WWP2: variants seen among roughly 807,000 people sequenced by gnomAD.
The protein encoded by WWP2 is NEDD4-like E3 ubiquitin-protein ligase WWP2.
A neutral mutation model predicts 121.0 loss-of-function variants in WWP2; 57 were observed. That is an observed-to-expected ratio of 0.47 (90% CI 0.38 to 0.59). The LOEUF (loss-of-function observed/expected upper bound fraction) is 0.59, where lower values mean the gene tolerates loss of function less well. Ranked by LOEUF, WWP2 falls within the 20% of genes least tolerant of loss-of-function variation. The pLI is 0.00. For missense variants in WWP2, 962 were observed against 1,158.9 expected (o/e 0.83, Z 2.47); for synonymous variants, 449 against 441.3 (o/e 1.02, Z -0.22).
chr16:69,770,811 G>A (rs1437919837), intron 1 of WWP2, among the ~76,000 whole-genome samples: 1 of 152,006 alleles, frequency 6.6e-6, no homozygotes, highest in Non-Finnish European at 1.5e-5. Context: ...TACTTGGTAT[G>A]TGGGGCTCCC....
Position 69,871,894 on chromosome 16 carries a change from C to T in WWP2, c.666C>T (p.Val222=), listed in dbSNP as rs1217318959. ...PGARSRHRQP[V]KNSGHSGLAN... Reference sequence around the variant, plus strand: ...CTCGGAGCCGGCACCGCCAGCCCGTCAAGAACTCAGGCCACAGTGGCTTGG... The same window carrying T: ...CTCGGAGCCGGCACCGCCAGCCCGTTAAGAACTCAGGCCACAGTGGCTTGG... The change falls in exon 7 of 24, where the codon GTC becomes GTT. Residue 222 remains valine, a synonymous_variant. Coordinates refer to ENST00000359154, the MANE Select transcript of WWP2 (RefSeq NM_001270454.2). The T allele has an allele frequency of 6.2e-7, 1 of 1,614,088 alleles. No individual in the cohort carries two copies. Among genetic ancestry groups the T allele is most frequent in the Admixed American group, 1.7e-5 (1 of 60,020 alleles).
rs184391283 is a variant in WWP2 at position 69,932,759 on chromosome 16, G to C, written c.1682+869G>C. Among the ~76,000 whole-genome samples, 213 of 152,302 alleles carry C rather than the reference G, an allele frequency of 1.4e-3. 1 individual carries two copies. Among genetic ancestry groups the C allele is most frequent in the Non-Finnish European group, 2.7e-3 (185 of 68,010 alleles). Reference sequence around the variant, plus strand: ...GTAACGGCTTATGTCACCCTAAAAAGAGTCCAAAGCATTGTCTTGCCTTCA... The same window carrying C: ...GTAACGGCTTATGTCACCCTAAAAACAGTCCAAAGCATTGTCTTGCCTTCA... On this transcript the variant is annotated intron_variant, in intron 16 of 23. Coordinates refer to ENST00000359154, the MANE Select transcript of WWP2 (RefSeq NM_001270454.2).
At chr16:69,812,257 C>A (rs1035712688) in intron 4 of WWP2, among the ~76,000 whole-genome samples, 2 of 148,816 alleles carry the variant, frequency 1.3e-5, no homozygotes, top group Admixed American at 1.4e-4. Context: ...ACCTCTGCCT[C>A]CTGGTTCAAG....
intron 4 of WWP2, among the ~76,000 whole-genome samples, chr16:69,833,242 T>C (rs2056822492): frequency 6.6e-6 from 1 of 152,240 alleles, no homozygotes; most frequent in Non-Finnish European, 1.5e-5. Flanking sequence ...GAGGTAGTCC[T>C]CCCTCTTTTT....
intron 8 of WWP2, among the ~76,000 whole-genome samples, chr16:69,898,433 A>G (rs911339523): frequency 7.2e-5 from 11 of 152,256 alleles, no homozygotes; most frequent in African/African-American, 2.4e-4. Flanking sequence ...CACCTAACCA[A>G]TTCATACTCC....
chr16:69,931,631 C>T (rs2058715125), intron 15 of WWP2, 51 bp downstream of exon 15: 1 of 1,608,892 alleles, frequency 6.2e-7, no homozygotes, highest in Non-Finnish European at 8.5e-7. Context: ...CTCCTCCCAG[C>T]ACCCCATCTC....
chr16:69,796,223 C>T (rs887133632), intron 2 of WWP2, among the ~76,000 whole-genome samples: 1 of 152,120 alleles, frequency 6.6e-6, no homozygotes, highest in South Asian at 2.1e-4. Flanking sequence ...AGCTTACTCT[C>T]AGAGTTTCAG....
chr16:69,897,060 C>T (rs1203594604), intron 8 of WWP2, among the ~76,000 whole-genome samples: 2 of 151,760 alleles, frequency 1.3e-5, no homozygotes, highest in South Asian at 2.1e-4. Flanking sequence ...TCATCTTTGG[C>T]TCTGTGCTGC....
chr16:69,814,429 A>G (rs534203261), intron 4 of WWP2, among the ~76,000 whole-genome samples: 4 of 133,232 alleles, frequency 3.0e-5, no homozygotes, highest in Non-Finnish European at 6.4e-5. Context: ...CTCTCATGAG[A>G]ACCCTGGCAC....
intron 2 of WWP2, among the ~76,000 whole-genome samples, chr16:69,787,686 C>A (rs1356585008): frequency 1.3e-5 from 2 of 152,220 alleles, no homozygotes; most frequent in East Asian, 1.9e-4. Context: ...GGTGCTTCTT[C>A]CAACCTCTGG....
chr16:69,866,880 C>T (rs1291321846), intron 6 of WWP2, among the ~76,000 whole-genome samples: 1 of 151,822 alleles, frequency 6.6e-6, no homozygotes, highest in Non-Finnish European at 1.5e-5. Context: ...CTCTGTCGCC[C>T]AGGCTGGAAT....
intron 6 of WWP2, among the ~76,000 whole-genome samples, chr16:69,865,385 G>A (rs1448033066): frequency 6.6e-6 from 1 of 152,162 alleles, no homozygotes; most frequent in African/African-American, 2.4e-5. Flanking sequence ...TATTGGGGTT[G>A]TTTTCTGATT....
At chr16:69,913,923 T>C (rs2058438253) in intron 9 of WWP2, among the ~76,000 whole-genome samples, 2 of 151,058 alleles carry the variant, frequency 1.3e-5, no homozygotes, top group South Asian at 4.2e-4. Context: ...ATATAAAAAA[T>C]TAGCCAGGCG....
chr16:69,908,473 C>T (rs1020630186), intron 8 of WWP2, among the ~76,000 whole-genome samples: 3 of 151,992 alleles, frequency 2.0e-5, no homozygotes, highest in Non-Finnish European at 4.4e-5. Context: ...TTTAAAAAAT[C>T]CATGGAATAT....
intron 1 of WWP2, among the ~76,000 whole-genome samples, chr16:69,765,257 A>G (rs373918703): frequency 6.6e-6 from 1 of 151,848 alleles, no homozygotes; most frequent in Non-Finnish European, 1.5e-5. Flanking sequence ...TTTTTTTCCC[A>G]CTTAACCTTG....
At chr16:69,921,863 C>T (rs1338049070) in intron 10 of WWP2, among the ~76,000 whole-genome samples, 2 of 152,108 alleles carry the variant, frequency 1.3e-5, no homozygotes, top group Non-Finnish European at 2.9e-5. Flanking sequence ...CACTTGAGGT[C>T]GGGAGTTCAA....
At chr16:69,780,511 G>T (rs952231065) in intron 1 of WWP2, among the ~76,000 whole-genome samples, 1 of 152,134 alleles carries the variant, frequency 6.6e-6, no homozygotes. Context: ...TAGAATCCTG[G>T]TGGGTCCAAA....
At chr16:69,811,753 C>CA (rs35298127) in intron 4 of WWP2, among the ~76,000 whole-genome samples, 1 of 151,956 alleles carries the variant, frequency 6.6e-6, no homozygotes, top group Non-Finnish European at 1.5e-5. Context: ...GACCCAGTCT[C>CA]AAAAAAATAA....
At chr16:69,767,028 G>A (rs1256736596) in intron 1 of WWP2, among the ~76,000 whole-genome samples, 2 of 150,910 alleles carry the variant, frequency 1.3e-5, no homozygotes, top group Non-Finnish European at 2.9e-5. Flanking sequence ...TACTGGAATA[G>A]GGGTTTTGTT....
Sources: allele counts gnomAD v4.1 joint callset (sites outside exome capture counted in the v4.1 genomes callset), GRCh38; gene constraint gnomAD v4.1.1; transcripts MANE v1.5; gene names NCBI Gene and HGNC (gene_info 2026-07-23, HGNC 2026-07-21).